MOB3B: variants seen among roughly 807,000 people sequenced by gnomAD.
The protein encoded by MOB3B is MOB kinase activator-like 2B.
Under a neutral mutation model 18.7 loss-of-function variants are expected in MOB3B, and 7 were observed. The observed-to-expected ratio is 0.37, with a 90% CI of 0.21 to 0.70. The LOEUF is 0.70. Among genes scored for constraint, MOB3B ranks in the 30% least tolerant of loss-of-function variants. The pLI is 0.52. For synonymous variants in MOB3B, 111 were observed against 99.9 expected, an observed-to-expected ratio of 1.11 and a Z score of -0.66; for missense variants, 253 against 281.3, an observed-to-expected ratio of 0.90 and a Z score of 0.72.
At chr9:27,514,148 T>C (rs908919947) in intron 1 of MOB3B, among the ~76,000 whole-genome samples, 1 of 152,122 alleles carries the variant, frequency 6.6e-6, no homozygotes, top group Non-Finnish European at 1.5e-5. Context: ...TCTTTCCACA[T>C]GGTGAGTTCT....
At chr9:27,477,614 A>G (rs1385953798) in intron 1 of MOB3B, among the ~76,000 whole-genome samples, 1 of 152,256 alleles carries the variant, frequency 6.6e-6, no homozygotes, top group Non-Finnish European at 1.5e-5. Context: ...ATTAATTTAC[A>G]TTAAAAATGT....
At chr9:27,404,347 CTTTTT>C (rs756275032) in intron 2 of MOB3B, among the ~76,000 whole-genome samples, 103 of 75,174 alleles carry the variant, frequency 1.4e-3, no homozygotes, top group African/African-American at 5.2e-3. Context: ...TTCTTTCTTT[CTTTTT>C]TTTTTTTTTT....
intron 1 of MOB3B, among the ~76,000 whole-genome samples, chr9:27,462,387 G>T (rs7024270): frequency 0.99 from 151,378 of 152,322 alleles, 75,226 homozygotes; most frequent in East Asian, 1. Context: ...ATGGGGGATG[G>T]GATGAGAACT....
At position 27,354,634 on chromosome 9, in the gene MOB3B, T is replaced by C. The variant is rs367740982; in HGVS notation, c.621+4400A>G. ...GAGAGTGACCAGTGTGTAATCCCTTTGAATGGAGGTGCATCATCCTTAAAG... is the reference window on the plus strand; with the variant it reads ...GAGAGTGACCAGTGTGTAATCCCTTCGAATGGAGGTGCATCATCCTTAAAG... On this transcript the variant is annotated intron_variant, in intron 3 of 3. Transcript: ENST00000262244. Among the ~76,000 whole-genome samples the C allele has an allele frequency of 7.6e-4, 115 of 152,302 alleles. 1 individual carries two copies. Among genetic ancestry groups the C allele is most frequent in the Non-Finnish European group, 1.6e-4 (11 of 68,034 alleles).
intron 1 of MOB3B, among the ~76,000 whole-genome samples, chr9:27,529,253 T>G (rs1484265947): frequency 6.8e-6 from 1 of 147,992 alleles, no homozygotes; most frequent in Non-Finnish European, 1.5e-5. Flanking sequence ...TCTTATTGAT[T>G]TATATCTTTT....
At chr9:27,331,850 G>T (rs1820795139) in intron 3 of MOB3B, among the ~76,000 whole-genome samples, 1 of 152,216 alleles carries the variant, frequency 6.6e-6, no homozygotes, top group African/African-American at 2.4e-5. Context: ...GAGTGTGGGA[G>T]TGCCAAGGTG....
chr9:27,447,707 G>T (rs925190147), intron 2 of MOB3B, among the ~76,000 whole-genome samples: 2 of 152,170 alleles, frequency 1.3e-5, no homozygotes, highest in African/African-American at 2.4e-5. Context: ...GATTTGTTGA[G>T]CAGGGGTGGT....
chr9:27,519,644 G>A (rs535979430), intron 1 of MOB3B, among the ~76,000 whole-genome samples: 5 of 152,294 alleles, frequency 3.3e-5, no homozygotes, highest in East Asian at 1.9e-4. Context: ...TGTAGTTGCC[G>A]CAGGGGAGGA....
chr9:27,501,884 CA>C (rs113009030), intron 1 of MOB3B, among the ~76,000 whole-genome samples: 180 of 150,914 alleles, frequency 1.2e-3, no homozygotes, highest in African/African-American at 4.1e-3. Context: ...GTTTACTTGA[CA>C]AAAAAAAGAG....
intron 2 of MOB3B, among the ~76,000 whole-genome samples, chr9:27,412,180 C>CG (rs1822078862): frequency 8.1e-6 from 1 of 122,990 alleles, no homozygotes; most frequent in African/African-American, 2.9e-5. Context: ...ACCCTTATGA[C>CG]GAAAAAAAAA....
chr9:27,435,216 C>G (rs1455115020), intron 2 of MOB3B, among the ~76,000 whole-genome samples: 1 of 152,168 alleles, frequency 6.6e-6, no homozygotes, highest in Non-Finnish European at 1.5e-5. Flanking sequence ...TCCCCACACT[C>G]CTTTTTTAAT....
At chr9:27,407,394 T>A (rs1433313946) in intron 2 of MOB3B, among the ~76,000 whole-genome samples, 1 of 152,198 alleles carries the variant, frequency 6.6e-6, no homozygotes, top group East Asian at 1.9e-4. Context: ...TAAAGAGGGT[T>A]TGAGTCTTCC....
intron 1 of MOB3B, among the ~76,000 whole-genome samples, chr9:27,466,127 C>G (rs1244827177): frequency 6.6e-6 from 1 of 152,202 alleles, no homozygotes; most frequent in African/African-American, 2.4e-5. Flanking sequence ...CTCTGTTTCT[C>G]TTTTAAAACA....
chr9:27,417,479 A>G (rs1822170256), intron 2 of MOB3B, among the ~76,000 whole-genome samples: 1 of 152,248 alleles, frequency 6.6e-6, no homozygotes, highest in African/African-American at 2.4e-5. Flanking sequence ...AAATGGAACA[A>G]TAAAGTTTCC....
At chr9:27,432,856 A>T (rs1822436215) in intron 2 of MOB3B, among the ~76,000 whole-genome samples, 1 of 152,214 alleles carries the variant, frequency 6.6e-6, no homozygotes, top group African/African-American at 2.4e-5. Flanking sequence ...GAATGCTCCA[A>T]GGATGACATG....
chr9:27,334,641 C>T (rs1208349300), intron 3 of MOB3B, among the ~76,000 whole-genome samples: 1 of 152,134 alleles, frequency 6.6e-6, no homozygotes, highest in East Asian at 1.9e-4. Context: ...CTTAGTCTAA[C>T]CTCAGTGTAC....
chr9:27,416,983 G>A (rs1190534703), intron 2 of MOB3B, among the ~76,000 whole-genome samples: 4 of 152,170 alleles, frequency 2.6e-5, no homozygotes, highest in Admixed American at 6.5e-5. Context: ...GCGATTGAAG[G>A]GGAGAAAGAA....
intron 2 of MOB3B, among the ~76,000 whole-genome samples, chr9:27,412,774 G>A (rs1344527118): frequency 6.6e-6 from 1 of 152,210 alleles, no homozygotes; most frequent in Non-Finnish European, 1.5e-5. Context: ...AGTGACCGTG[G>A]TGGGTTAGCT....
chr9:27,458,163 TGAG>T (rs1200322152), intron 1 of MOB3B, among the ~76,000 whole-genome samples: 1 of 152,206 alleles, frequency 6.6e-6, no homozygotes. Flanking sequence ...AATCTGATAA[TGAG>T]GGTACCATCA....
Sources: gnomAD v4.1 joint callset for allele counts (sites outside exome capture counted in the v4.1 genomes callset) on GRCh38, gnomAD v4.1.1 for gene constraint, MANE v1.5 for transcripts, NCBI Gene and HGNC (gene_info 2026-07-23, HGNC 2026-07-21) for gene names.